The following EDA variants were observed in gnomAD, a reference collection of about 807,000 sequenced individuals.
The protein encoded by EDA is ectodysplasin A.
EDA carries 2 observed loss-of-function variants against 23.6 expected under a neutral mutation model. That is an observed-to-expected ratio of 0.08 (90% CI 0.03 to 0.27). EDA has a LOEUF of 0.27. Among genes scored for constraint, EDA ranks in the 10% least tolerant of loss-of-function variants. EDA has a pLI of 1.00. For synonymous variants in EDA, 131 were observed against 132.0 expected (o/e 0.99, Z 0.05); for missense variants, 229 against 324.2 (o/e 0.71, Z 2.26).
intron 1 of EDA, among the ~76,000 whole-genome samples, chrX:69,738,178 C>G (rs2013332621): frequency 9.0e-6 from 1 of 110,627 alleles, no homozygotes; most frequent in African/African-American, 3.3e-5. Context: ...TTTGGGAGTT[C>G]CAATGCTCTG....
intron 1 of EDA, among the ~76,000 whole-genome samples, chrX:69,767,050 G>T (rs1417424413): frequency 1.8e-5 from 2 of 111,564 alleles, no homozygotes; most frequent in Non-Finnish European, 3.8e-5. Flanking sequence ...GTAGGAAGGT[G>T]ATTAGAATTA....
chrX:70,020,513 C>T (rs965169395), intron 2 of EDA, among the ~76,000 whole-genome samples: 4 of 108,637 alleles, frequency 3.7e-5, no homozygotes, highest in African/African-American at 1.3e-4. Flanking sequence ...GAGCCAAGAT[C>T]GCACCACTAC....
intron 1 of EDA, among the ~76,000 whole-genome samples, chrX:69,889,230 T>TTTGACCTCCCGGTCAAAGC (rs2017886292): frequency 9.4e-6 from 1 of 106,576 alleles, no homozygotes; most frequent in Non-Finnish European, 1.9e-5. Context: ...TCACTGCAGC[T>TTTGACCTCCCGGTCAAAGC]TTGACCTCCC....
intron 1 of EDA, among the ~76,000 whole-genome samples, chrX:69,920,808 T>C (rs937200312): frequency 8.9e-6 from 1 of 111,909 alleles, no homozygotes; most frequent in Non-Finnish European, 1.9e-5. Flanking sequence ...TTTTGCCTTT[T>C]CATATTTCAC....
chrX:69,783,753 C>T (rs756759639), intron 1 of EDA, among the ~76,000 whole-genome samples: 47 of 109,682 alleles, frequency 4.3e-4, no homozygotes, highest in South Asian at 1.6e-3. Context: ...AATAAACATA[C>T]GTGTGCATGT....
intron 2 of EDA, among the ~76,000 whole-genome samples, chrX:69,970,293 A>G (rs185704774): frequency 4.4e-5 from 5 of 112,507 alleles, no homozygotes; most frequent in African/African-American, 1.6e-4. Flanking sequence ...TTTTCTCATT[A>G]TATAATGATA....
chrX:69,887,781 C>A (rs889816375), intron 1 of EDA, among the ~76,000 whole-genome samples: 2 of 111,245 alleles, frequency 1.8e-5, no homozygotes, highest in African/African-American at 6.5e-5. Context: ...ATACAAAGTG[C>A]TGAAAGAAAA....
chrX:69,666,012 G>A (rs1933668835), intron 1 of EDA, among the ~76,000 whole-genome samples: 1 of 110,821 alleles, frequency 9.0e-6, no homozygotes, highest in African/African-American at 3.3e-5. Flanking sequence ...TGCAGTTTTG[G>A]GTATACATAT....
chrX:69,996,752 A>G (rs1216323821), intron 2 of EDA, among the ~76,000 whole-genome samples: 3 of 111,966 alleles, frequency 2.7e-5, no homozygotes, highest in Non-Finnish European at 3.8e-5. Flanking sequence ...TTGTACTCCC[A>G]TAATTCCCAC....
intron 1 of EDA, among the ~76,000 whole-genome samples, chrX:69,736,686 T>G (rs1162911581): frequency 1.8e-5 from 2 of 110,458 alleles, no homozygotes; most frequent in Non-Finnish European, 3.8e-5. Flanking sequence ...TACTTGGCAG[T>G]GTTGCCAGTT....
chrX:69,669,466 G>A (rs1038078376), intron 1 of EDA, among the ~76,000 whole-genome samples: 20 of 110,616 alleles, frequency 1.8e-4, no homozygotes, highest in South Asian at 7.6e-4. Context: ...TATGTTTACC[G>A]TGATGCTTAC....
chrX:69,809,247 C>T (rs2804360), intron 1 of EDA, among the ~76,000 whole-genome samples: 36,309 of 110,575 alleles, frequency 0.33, 5,040 homozygotes, highest in Middle Eastern at 0.54. Flanking sequence ...GTTTAATTGA[C>T]GCACAGTTCC....
intron 1 of EDA, among the ~76,000 whole-genome samples, chrX:69,671,196 A>G (rs1271054040): frequency 8.9e-6 from 1 of 111,815 alleles, no homozygotes; most frequent in Non-Finnish European, 1.9e-5. Flanking sequence ...ATCAATGTCT[A>G]TGAAGACTGC....
At chrX:69,647,685 T>C (rs1244264619) in intron 1 of EDA, among the ~76,000 whole-genome samples, 2 of 111,793 alleles carry the variant, frequency 1.8e-5, no homozygotes, top group Admixed American at 1.9e-4. Flanking sequence ...GAAGCCCACT[T>C]CCATCTATTC....
intron 6 of EDA, among the ~76,000 whole-genome samples, chrX:70,032,236 G>A (rs1314156698): frequency 9.3e-6 from 1 of 107,621 alleles, no homozygotes; most frequent in Non-Finnish European, 1.9e-5. Flanking sequence ...TCCAGCCTTG[G>A]TGACAGAGTG....
intron 2 of EDA, among the ~76,000 whole-genome samples, chrX:69,987,221 A>G (rs1335866939): frequency 9.9e-6 from 1 of 100,878 alleles, no homozygotes; most frequent in African/African-American, 3.8e-5. Context: ...ACATGTATAC[A>G]TATGTAACTA....
intron 2 of EDA, among the ~76,000 whole-genome samples, chrX:69,987,300 ATTTTTTTTTTT>A (rs2019512265): frequency 1.2e-5 from 1 of 83,012 alleles, no homozygotes; most frequent in African/African-American, 5.5e-5. Flanking sequence ...AAAAAAAAAA[ATTTTTTTTTTT>A]AAAAATAAAT....
At chrX:69,670,970 T>C (rs765105301) in intron 1 of EDA, among the ~76,000 whole-genome samples, 16 of 111,876 alleles carry the variant, frequency 1.4e-4, no homozygotes, top group Non-Finnish European at 2.8e-4. Context: ...GGTAGTATCA[T>C]GCTTCCTTGC....
chrX:69,863,056 A>T (rs1025031004), intron 1 of EDA, among the ~76,000 whole-genome samples: 11 of 109,562 alleles, frequency 1.0e-4, no homozygotes, highest in African/African-American at 3.3e-4. Context: ...AAAAAAAAAA[A>T]TAGATGAATA....
Sources: allele counts gnomAD v4.1 joint callset (sites outside exome capture counted in the v4.1 genomes callset), GRCh38; gene constraint gnomAD v4.1.1; transcripts MANE v1.5; gene names NCBI Gene and HGNC (gene_info 2026-07-23, HGNC 2026-07-21).